The following MEIOSIN variants were observed in gnomAD, a reference collection of about 807,000 sequenced individuals.
MEIOSIN encodes meiosis initiator.
MEIOSIN carries 18 observed loss-of-function variants against 23.4 expected under a neutral mutation model. That is an observed-to-expected ratio of 0.77 (90% CI 0.53 to 1.14). The LOEUF (loss-of-function observed/expected upper bound fraction) is 1.14. MEIOSIN is among the 50% of genes most tolerant of loss of function. The probability of loss-of-function intolerance (pLI) is 0.00; values close to 1 mark genes in which losing one functional copy is unlikely to be tolerated. For synonymous variants in MEIOSIN, 187 were observed against 100.6 expected, an observed-to-expected ratio of 1.86 and a Z score of -5.14; for missense variants, 428 against 242.9, an observed-to-expected ratio of 1.76 and a Z score of -5.07.
intron 3 of MEIOSIN, among the ~76,000 whole-genome samples, chr19:45,742,182 T>G (rs1256843045): frequency 1.3e-5 from 2 of 151,510 alleles, no homozygotes; most frequent in Non-Finnish European, 2.9e-5. Context: ...AGCTTAAAAG[T>G]TTTTTGTAGA....
chr19:45,736,870 CT>C (rs1179690772), intron 2 of MEIOSIN, among the ~76,000 whole-genome samples: 344 of 135,392 alleles, frequency 2.5e-3, no homozygotes, highest in South Asian at 0.02. Context: ...TGCGCCCAGC[CT>C]TTTTTTTTTT....
At chr19:45,736,212 A>G (rs1345511998) in intron 2 of MEIOSIN, among the ~76,000 whole-genome samples, 5 of 151,992 alleles carry the variant, frequency 3.3e-5, no homozygotes, top group African/African-American at 1.2e-4. Context: ...ACACCCAGCC[A>G]GTTTTTCTAT....
rs1388727182 is a variant in MEIOSIN at position 45,752,031 on chromosome 19, CCG to C, written c.418+1246_418+1247del. Among the ~76,000 whole-genome samples the C allele has an allele frequency of 4.1e-5, 5 of 122,362 alleles. No individual in the cohort carries two copies. In the East Asian group the frequency reaches 7.7e-4, roughly 19 times the overall value. 80.3% of individuals were successfully genotyped at this position (122,362 alleles called of 152,430 possible). Reference sequence around the variant, plus strand: ...TACAGCTGTGAGCCCCTGCTCCTAGCCGTTTTTTTTTTTTTTTTTTTTTGAGA... The same window carrying C: ...TACAGCTGTGAGCCCCTGCTCCTAGCTTTTTTTTTTTTTTTTTTTTTGAGA... On this transcript the variant is annotated intron_variant, in intron 5 of 14. Transcript: ENST00000457052.
At chr19:45,758,758 A>G in intron 9 of MEIOSIN, 120 bp from the exon 10 acceptor site, 1 of 610,924 alleles carries the variant, frequency 1.6e-6, no homozygotes, top group Non-Finnish European at 2.9e-6. Flanking sequence ...CAAGAATTCA[A>G]AATGAGAAAC....
chr19:45,756,184 C>A (rs1172565299), intron 8 of MEIOSIN, 106 bp downstream of exon 8: 6 of 631,888 alleles, frequency 9.5e-6, no homozygotes, highest in Non-Finnish European at 1.7e-5. Context: ...TGCGGGTGCC[C>A]CTTGAGCACC....
intron 11 of MEIOSIN, among the ~76,000 whole-genome samples, chr19:45,760,338 C>G (rs757848387): frequency 3.3e-5 from 5 of 152,132 alleles, no homozygotes; most frequent in Non-Finnish European, 2.9e-5. Context: ...CGTGGTGGCT[C>G]ACGCCTGTAA....
At position 45,761,978 on chromosome 19, in the gene MEIOSIN, G is replaced by A. The variant is rs1220048649; in HGVS notation, c.1474G>A (p.Glu492Lys). 3.6e-6 allele frequency: 2 copies of A among 560,276 alleles called. No individual in the cohort carries two copies. Among genetic ancestry groups the A allele is most frequent in the Admixed American group, 3.1e-5 (1 of 32,416 alleles). 34.7% of individuals were successfully genotyped at this position (560,276 alleles called of 1,614,324 possible). A position where few individuals can be genotyped will look rare whatever the true frequency, so the allele number is the denominator to read the frequency against. Residue 492 changes from glutamate (E) to lysine (K), a missense_variant, in exon 13 of 15, where the codon GAA becomes AAA. Physicochemically the swap from Glu to Lys is moderately conservative, Grantham distance 56. Coordinates refer to ENST00000457052, the MANE Select transcript of MEIOSIN (RefSeq NM_001310124.2). ...CCCTGTGGGCACGCCGGGCTCCAGC[G>A]AAGAGGACGAAGACACCACATGGAC... is the stretch of plus-strand genomic sequence containing the variant. ...ANPVGTPGSS[E>K]EDEDTTWTPT...
At chr19:45,762,955 G>A (rs1415734461) in intron 13 of MEIOSIN, among the ~76,000 whole-genome samples, 3 of 152,194 alleles carry the variant, frequency 2.0e-5, no homozygotes, top group Non-Finnish European at 2.9e-5. Context: ...AAGCGACCCC[G>A]GGAGGAGGAG....
At chr19:45,744,830 C>G (rs1968563808) in intron 3 of MEIOSIN, among the ~76,000 whole-genome samples, 1 of 152,106 alleles carries the variant, frequency 6.6e-6, no homozygotes, top group South Asian at 2.1e-4. Flanking sequence ...AGGTTTGAAG[C>G]AAGAGAGTGA....
At chr19:45,750,280 C>G (rs1968674176) in intron 4 of MEIOSIN, among the ~76,000 whole-genome samples, 1 of 148,402 alleles carries the variant, frequency 6.7e-6, no homozygotes, top group Non-Finnish European at 1.5e-5. Flanking sequence ...GGCTGTGTCT[C>G]TGGTCCCCAG....
At position 45,761,842 on chromosome 19, in the gene MEIOSIN, C is replaced by T. The variant is rs749521741; in HGVS notation, c.1409C>T (p.Ser470Leu). 1.2e-4 allele frequency: 80 copies of T among 683,490 alleles called. No individual in the cohort carries two copies. The highest frequency in any genetic ancestry group is 4.4e-4 in the South Asian group (28 of 64,098). 42.3% of individuals were successfully genotyped at this position (683,490 alleles called of 1,614,324 possible). The change falls in exon 12 of 15, where the codon TCG (serine) becomes TTG (leucine). Residue 470 changes from serine to leucine, a missense_variant. Ser to Leu is a moderately radical substitution (Grantham distance 145). Transcript: ENST00000457052. ...AGCTCCAGCTCGGAGGACAGCGACTCGGAGCCCCTGTGGAAGCAGCGAGAG... is the reference window on the plus strand; with the variant it reads ...AGCTCCAGCTCGGAGGACAGCGACTTGGAGCCCCTGTGGAAGCAGCGAGAG... ...SSSSSSEDSDSEPLWKQREDM... is the reference protein window; with the variant it reads ...SSSSSSEDSDLEPLWKQREDM...
At chr19:45,744,052 T>A (rs1968550435) in intron 3 of MEIOSIN, among the ~76,000 whole-genome samples, 1 of 150,330 alleles carries the variant, frequency 6.7e-6, no homozygotes, top group Non-Finnish European at 1.5e-5. Flanking sequence ...ATTTTTACTT[T>A]TTTTTTTTTT....
chr19:45,745,810 G>A lies in MEIOSIN; in HGVS notation c.306+489G>A, dbSNP rs183239627. 2.1e-3 allele frequency among the ~76,000 whole-genome samples: 320 copies of A among 152,262 alleles called. 2 individuals carry two copies. Among genetic ancestry groups the A allele is most frequent in the South Asian group, 0.013 (62 of 4,824 alleles). The stretch of plus-strand genomic sequence containing the variant: ...CGGTCTCAAATTCCTGACCTCAGGC[G>A]ATCCATCCGCCTTGGCCTCCGAAAG... On this transcript the variant is annotated intron_variant, in intron 4 of 14. Transcript: ENST00000457052.
At chr19:45,746,792 G>A (rs1340219543) in intron 4 of MEIOSIN, among the ~76,000 whole-genome samples, 2 of 149,744 alleles carry the variant, frequency 1.3e-5, no homozygotes, top group East Asian at 3.9e-4. Context: ...TTGCACCCCA[G>A]CCTAGGCAAC....
intron 3 of MEIOSIN, among the ~76,000 whole-genome samples, chr19:45,742,484 AAAAC>A (rs937418868): frequency 3.3e-5 from 5 of 151,694 alleles, no homozygotes; most frequent in Non-Finnish European, 5.9e-5. Context: ...TGTCTCTTTA[AAAAC>A]AAACAAGCAG....
chr19:45,754,474 C>T lies in MEIOSIN; in HGVS notation c.557-5C>T. The T allele has an allele frequency of 1.4e-6, 1 of 700,688 alleles. No individual in the cohort carries two copies. The allele number at this position is 700,688 out of a possible 1,614,324, so 43.4% of individuals were successfully genotyped here. ...CCTCTGACACCTGAACCTCTGCTCCCCCAGAAAGCCAGACTCGGACCCCGA... is the reference window on the plus strand; with the variant it reads ...CCTCTGACACCTGAACCTCTGCTCCTCCAGAAAGCCAGACTCGGACCCCGA... On this transcript the variant is annotated splice_polypyrimidine_tract_variant and splice_region_variant and intron_variant, in intron 6 of 14. Coordinates refer to ENST00000457052, the MANE Select transcript of MEIOSIN (RefSeq NM_001310124.2).
intron 12 of MEIOSIN, 26 bp downstream of exon 12, chr19:45,761,893 G>C: frequency 1.6e-6 from 1 of 625,198 alleles, no homozygotes; most frequent in Non-Finnish European, 2.9e-6. Flanking sequence ...GCATGCCAGG[G>C]CCAGCAGGGC....
At chr19:45,739,479 A>G (rs1968463465) in intron 2 of MEIOSIN, 147 bp from the exon 3 acceptor site, 1 of 612,904 alleles carries the variant, frequency 1.6e-6, no homozygotes, top group Admixed American at 2.5e-5. Context: ...GAAGGGCAAG[A>G]TGGTTCCCAG....
chr19:45,750,169 G>A (rs1427278985), intron 4 of MEIOSIN, among the ~76,000 whole-genome samples: 1 of 141,736 alleles, frequency 7.1e-6, no homozygotes, highest in African/African-American at 2.6e-5. Flanking sequence ...AGACCTTCTT[G>A]TTCTGCTATC....
Sources: gnomAD v4.1 joint callset for allele counts (sites outside exome capture counted in the v4.1 genomes callset) on GRCh38, gnomAD v4.1.1 for gene constraint, MANE v1.5 for transcripts, NCBI Gene and HGNC (gene_info 2026-07-23, HGNC 2026-07-21) for gene names.